Variants in ETV4 observed in about 807,000 individuals in gnomAD.
The protein encoded by ETV4 is ETS translocation variant 4.
A neutral mutation model predicts 65.9 loss-of-function variants in ETV4; 42 were observed. The ratio of observed to expected loss-of-function variants is 0.64; its 90% CI spans 0.50 to 0.82. The LOEUF (loss-of-function observed/expected upper bound fraction) is 0.82, where lower values mean the gene tolerates loss of function less well. Ranked by LOEUF, ETV4 falls within the 40% of genes least tolerant of loss-of-function variation. The pLI is 0.00. For missense variants in ETV4, 583 were observed against 630.3 expected (o/e 0.92, Z 0.80); for synonymous variants, 238 against 260.0 (o/e 0.92, Z 0.81).
At chr17:43,541,165 G>C (rs1971500377) in intron 4 of ETV4, among the ~76,000 whole-genome samples, 1 of 152,156 alleles carries the variant, frequency 6.6e-6, no homozygotes, top group Non-Finnish European at 1.5e-5. Flanking sequence ...ATCTGTCCTA[G>C]CTCAGCCCCT....
chr17:43,544,688 G>A (rs2154587322), intron 4 of ETV4: 1 of 310,452 alleles, frequency 3.2e-6, no homozygotes, highest in Non-Finnish European at 6.0e-6. Context: ...TGGGCCTGGG[G>A]CCAAGTTCCA....
At chr17:43,541,139 C>T (rs1322620531) in intron 4 of ETV4, among the ~76,000 whole-genome samples, 2 of 152,182 alleles carry the variant, frequency 1.3e-5, no homozygotes, top group Admixed American at 6.5e-5. Flanking sequence ...CCATCCTCTT[C>T]CCAGAGCCAG....
At position 43,529,492 on chromosome 17, in the gene ETV4, C is replaced by G. The variant is rs150661130; in HGVS notation, c.1128+12G>C. On this transcript the variant is annotated intron_variant, in intron 11 of 12. Transcript: ENST00000319349. The stretch of plus-strand genomic sequence containing the variant: ...TTTGGAAAGGAGGGCTGGGAACATC[C>G]GAGAGGCCCACCTCCTCAGGCTCAA... The G allele has an allele frequency of 2.5e-6, 4 of 1,598,898 alleles. No individual in the cohort carries two copies. Among genetic ancestry groups the G allele is most frequent in the Admixed American group, 3.4e-5 (2 of 58,544 alleles).
At chr17:43,545,952 T>A (rs1007794970) in intron 1 of ETV4, 2 of 319,300 alleles carry the variant, frequency 6.3e-6, no homozygotes, top group African/African-American at 4.4e-5. Context: ...TGTGTGTGTG[T>A]GTGTGTGTGT....
intron 4 of ETV4, among the ~76,000 whole-genome samples, chr17:43,542,063 T>TACAAA (rs1971551236): frequency 1.3e-5 from 2 of 152,104 alleles, no homozygotes; most frequent in Non-Finnish European, 2.9e-5. Context: ...ACATGGGGTC[T>TACAAA]TTTTTTGACC....
intron 1 of ETV4, 82 bp from the exon 2 acceptor site, chr17:43,545,750 G>T: frequency 1.4e-6 from 1 of 731,642 alleles, no homozygotes; most frequent in Non-Finnish European, 2.2e-6. Flanking sequence ...CCAAGGCTCT[G>T]GGTCCGACGG....
At position 43,543,265 on chromosome 17, in the gene ETV4, A is replaced by AAC. The variant is rs1189446827; in HGVS notation, c.202+1708_202+1709dup. 4.8e-5 allele frequency among the ~76,000 whole-genome samples: 3 copies of AAC among 63,074 alleles called. No homozygotes were observed. The South Asian group carries it at 1.5e-3, about 31-fold the overall frequency. 41.4% of individuals were successfully genotyped at this position (63,074 alleles called of 152,430 possible). A position where few individuals can be genotyped will look rare whatever the true frequency, so the allele number is the denominator to read the frequency against. On this transcript the variant is annotated intron_variant, in intron 4 of 12. Transcript: ENST00000319349. ...ATGTACAGGGCAGCAGCATGTAACT[A>AAC]ACACACACACACTCTCTCTCTCTCT...
intron 8 of ETV4, among the ~76,000 whole-genome samples, chr17:43,532,421 C>T (rs983893547): frequency 1.3e-5 from 2 of 152,060 alleles, no homozygotes; most frequent in Non-Finnish European, 2.9e-5. Context: ...ATCGCTTGAA[C>T]CCGGTAGGCA....
At chr17:43,535,572 C>T (rs1008575170) in intron 5 of ETV4, among the ~76,000 whole-genome samples, 2 of 152,308 alleles carry the variant, frequency 1.3e-5, no homozygotes, top group South Asian at 2.1e-4. Context: ...CCACCACACC[C>T]AGCCTAAAGC....
chr17:43,545,811 C>T (rs2154587348), intron 1 of ETV4, 143 bp from the exon 2 acceptor site: 2 of 606,512 alleles, frequency 3.3e-6, no homozygotes, highest in Non-Finnish European at 5.8e-6. Context: ...GCCTGCCAGG[C>T]CGAGCGCCAC....
intron 8 of ETV4, among the ~76,000 whole-genome samples, chr17:43,531,505 A>G (rs1325173448): frequency 6.6e-6 from 1 of 152,192 alleles, no homozygotes; most frequent in Non-Finnish European, 1.5e-5. Context: ...CTGTGCTTCT[A>G]CCAGCTTGAT....
chr17:43,532,798 G>T lies in ETV4; in HGVS notation c.687C>A (p.Tyr229Ter). 6.2e-7 allele frequency: 1 copy of T among 1,614,026 alleles called. No individual in the cohort carries two copies. Among genetic ancestry groups the T allele is most frequent in the South Asian group, 1.1e-5 (1 of 91,074 alleles). ...CCGCCTGTTCATACAGGGGATCATG[G>T]TATTCTTGCTTAAAGCTCTGCTGGG... is the stretch of plus-strand genomic sequence containing the variant. ...PYPQQSFKQE[Y>*]HDPLYEQAGQ... Residue 229 changes from tyrosine to a stop codon, truncating the protein, a stop_gained, in exon 8 of 13, where the codon TAC becomes TAA. Transcript: ENST00000319349. LOFTEE classifies it high-confidence loss of function.
rs552989281 is a variant in ETV4 at position 43,545,573 on chromosome 17, G to A, written c.45C>T (p.Pro15=). 1.0e-5 allele frequency: 16 copies of A among 1,550,534 alleles called. No individual in the cohort carries two copies. In the African/African-American group the frequency reaches 2.1e-4, roughly 20 times the overall value. The part of the protein sequence containing the change: ...MKAGYLDQQV[P]YTFSSKSPGN... Reference sequence around the variant, plus strand: ...CGGCGCTCACGCTGCTGAAGGTGTAGGGCACTTGCTGGTCCAAGTATCCGG... The same window carrying A: ...CGGCGCTCACGCTGCTGAAGGTGTAAGGCACTTGCTGGTCCAAGTATCCGG... The change falls in exon 2 of 13, where the codon CCC becomes CCT. Residue 15 remains proline (P), a synonymous_variant. Coordinates refer to ENST00000319349, the MANE Select transcript of ETV4 (RefSeq NM_001079675.5).
intron 4 of ETV4, among the ~76,000 whole-genome samples, chr17:43,543,664 C>T (rs559558426): frequency 1.3e-4 from 20 of 152,258 alleles, no homozygotes; most frequent in Middle Eastern, 3.4e-3. Flanking sequence ...GATGGGGAGA[C>T]GGGGCAAAGC....
chr17:43,530,220 G>A, intron 8 of ETV4, 39 bp from the exon 9 acceptor site: 1 of 1,552,050 alleles, frequency 6.4e-7, no homozygotes, highest in Non-Finnish European at 8.7e-7. Flanking sequence ...AGTGGCTTGG[G>A]GTGGAGCTCG....
Position 43,545,563 on chromosome 17 carries a change from T to G in ETV4, c.55A>C (p.Ser19Arg), listed in dbSNP as rs1216968755. Residue 19 changes from serine (S) to arginine (R), a missense_variant, in exon 2 of 13, where the codon AGC becomes CGC. Ser to Arg is a moderately radical substitution (Grantham distance 110, BLOSUM62 -1). Transcript: ENST00000319349. ...YLDQQVPYTF[S>R]SKSPGNGSLR... ...GAGGCCGGCGCGGCGCTCACGCTGC[T>G]GAAGGTGTAGGGCACTTGCTGGTCC... 1.3e-6 allele frequency: 2 copies of G among 1,549,904 alleles called. No homozygotes were observed. The highest frequency in any genetic ancestry group is 2.7e-5 in the African/African-American group (2 of 72,904).
chr17:43,543,596 G>A (rs1971639302), intron 4 of ETV4, among the ~76,000 whole-genome samples: 1 of 152,094 alleles, frequency 6.6e-6, no homozygotes, highest in Non-Finnish European at 1.5e-5. Flanking sequence ...GAGAGCCCAC[G>A]GAAACTGACA....
chr17:43,529,672 G>A lies in ETV4; in HGVS notation c.960C>T (p.Asp320=). 1 of 1,603,928 alleles carries A rather than the reference G, an allele frequency of 6.2e-7. No homozygotes were observed. Among genetic ancestry groups the A allele is most frequent in the African/African-American group, 1.3e-5 (1 of 74,628 alleles). Residue 320 remains aspartate, a synonymous_variant, in exon 11 of 13, where the codon GAC becomes GAT. Coordinates refer to ENST00000319349, the MANE Select transcript of ETV4 (RefSeq NM_001079675.5). ...VCVVPEKFEG[D]IKQEGVGAFR... is the part of the protein sequence containing the mutation. Reference sequence around the variant, plus strand: ...ATGCACCGACCCCTTCCTGCTTGATGTCTCCTGGGGAACACGAAAATAGGA... The same window carrying A: ...ATGCACCGACCCCTTCCTGCTTGATATCTCCTGGGGAACACGAAAATAGGA...
intron 4 of ETV4, among the ~76,000 whole-genome samples, chr17:43,543,034 C>T (rs1442552924): frequency 6.6e-6 from 1 of 152,036 alleles, no homozygotes; most frequent in Non-Finnish European, 1.5e-5. Context: ...GGACAGGGCC[C>T]CGGCAGCTGC....
Sources: allele counts gnomAD v4.1 joint callset (sites outside exome capture counted in the v4.1 genomes callset), GRCh38; gene constraint gnomAD v4.1.1; transcripts MANE v1.5; gene names NCBI Gene and HGNC (gene_info 2026-07-23, HGNC 2026-07-21).